Variants in MALRD1 observed in about 807,000 individuals in gnomAD.
The protein encoded by MALRD1 is MAM and LDL-receptor class A domain-containing protein 1.
MALRD1 carries 247 observed loss-of-function variants against 242.1 expected under a neutral mutation model. The observed-to-expected ratio is 1.02, with a 90% CI of 0.92 to 1.13. The LOEUF (loss-of-function observed/expected upper bound fraction) is 1.13. Ranked by LOEUF, MALRD1 falls within the 50% of genes most tolerant of loss-of-function variation. The probability of loss-of-function intolerance (pLI) is 0.00; values close to 1 mark genes in which losing one functional copy is unlikely to be tolerated. For missense variants in MALRD1, 2,989 were observed against 2,533.1 expected, an observed-to-expected ratio of 1.18 and a Z score of -3.86; for synonymous variants, 995 against 866.6, an observed-to-expected ratio of 1.15 and a Z score of -2.60.
At chr10:19,400,569 A>G (rs1251943985) in intron 28 of MALRD1, among the ~76,000 whole-genome samples, 1 of 152,224 alleles carries the variant, frequency 6.6e-6, no homozygotes, top group Non-Finnish European at 1.5e-5. Flanking sequence ...TGAATGAAAG[A>G]TTGAATGTAC....
At chr10:19,571,969 A>G (rs1366357039) in intron 33 of MALRD1, among the ~76,000 whole-genome samples, 1 of 152,192 alleles carries the variant, frequency 6.6e-6, no homozygotes, top group Non-Finnish European at 1.5e-5. Context: ...TCAACCTCGT[A>G]TTAGGTGTTT....
At position 19,110,436 on chromosome 10, in the gene MALRD1, A is replaced by G. The variant is rs150857366; in HGVS notation, c.694+6361A>G. Among the ~76,000 whole-genome samples, 6 of 152,308 alleles carry G rather than the reference A, an allele frequency of 3.9e-5. No homozygotes were observed. In the East Asian group the frequency reaches 1.2e-3, roughly 29 times the overall value. On this transcript the variant is annotated intron_variant, in intron 5 of 39. Coordinates refer to ENST00000454679, the MANE Select transcript of MALRD1 (RefSeq NM_001142308.3). ...CACTATATGCTACATTTAAAAGTAT[A>G]TCAATTGAAATAGAGAACTTTAAGG...
intron 14 of MALRD1, among the ~76,000 whole-genome samples, chr10:19,199,131 C>T (rs1389382510): frequency 6.6e-6 from 1 of 152,002 alleles, no homozygotes; most frequent in Non-Finnish European, 1.5e-5. Flanking sequence ...AACTTTTGTC[C>T]TCCTTCATGC....
chr10:19,295,321 C>T (rs1841644595), intron 21 of MALRD1, among the ~76,000 whole-genome samples: 1 of 152,066 alleles, frequency 6.6e-6, no homozygotes, highest in South Asian at 2.1e-4. Flanking sequence ...TTTCTATGTG[C>T]TTGCCAACAC....
Position 19,544,238 on chromosome 10 carries a change from G to A in MALRD1, c.5478+12887G>A, listed in dbSNP as rs149485760. 5.0e-3 allele frequency among the ~76,000 whole-genome samples: 755 copies of A among 151,908 alleles called. 8 individuals are homozygous for A. Among genetic ancestry groups the A allele is most frequent in the African/African-American group, 0.017 (711 of 41,360 alleles). On this transcript the variant is annotated intron_variant, in intron 32 of 39. Transcript: ENST00000454679. ...CAGTCTCGCTCTTGTCACCCAGGCC[G>A]AAATGCGATGGTGTGATCTTGGCAC...
At position 19,133,829 on chromosome 10, in the gene MALRD1, A is replaced by G. The variant is rs369746511; in HGVS notation, c.1111-27A>G. ...TGTGAAGATTAGAATACGGGTAATG[A>G]GTGATGTCTTTCTCTTCAAATCAAA... is the stretch of plus-strand genomic sequence containing the variant. On this transcript the variant is annotated intron_variant, in intron 8 of 39. Transcript: ENST00000454679. The G allele has an allele frequency of 1.6e-5, 17 of 1,045,886 alleles. No individual in the cohort carries two copies. In the East Asian group the frequency reaches 4.2e-4, roughly 26 times the overall value. 64.8% of individuals were successfully genotyped at this position (1,045,886 alleles called of 1,614,324 possible). A position where few individuals can be genotyped will look rare whatever the true frequency, so the allele number is the denominator to read the frequency against.
intron 32 of MALRD1, among the ~76,000 whole-genome samples, chr10:19,563,225 G>A (rs990371003): frequency 6.6e-6 from 1 of 152,082 alleles, no homozygotes; most frequent in African/African-American, 2.4e-5. Flanking sequence ...CAGAAAATAT[G>A]GGAATGAGCT....
chr10:19,512,907 T>C (rs1353036683), intron 31 of MALRD1, among the ~76,000 whole-genome samples: 1 of 152,170 alleles, frequency 6.6e-6, no homozygotes, highest in Non-Finnish European at 1.5e-5. Flanking sequence ...ATTTAAGGAC[T>C]CAGGAAGGAC....
At chr10:19,600,175 T>A (rs1335607629) in intron 34 of MALRD1, among the ~76,000 whole-genome samples, 9 of 152,256 alleles carry the variant, frequency 5.9e-5, no homozygotes, top group Admixed American at 2.6e-4. Context: ...ATCATCAATA[T>A]TTTTACTATT....
chr10:19,315,302 A>C (rs1268967037), intron 21 of MALRD1, among the ~76,000 whole-genome samples: 1 of 2 alleles, frequency 0.5, no homozygotes, highest in African/African-American at 0.5. Context: ...AAATATATAA[A>C]TATAATTTAT....
At chr10:19,354,751 G>A (rs191920940) in intron 26 of MALRD1, among the ~76,000 whole-genome samples, 20 of 152,128 alleles carry the variant, frequency 1.3e-4, no homozygotes, top group Non-Finnish European at 4.4e-5. Context: ...AATGAATTTG[G>A]AATGTTCCCA....
At chr10:19,118,279 C>G (rs1332653621) in intron 5 of MALRD1, among the ~76,000 whole-genome samples, 1 of 152,180 alleles carries the variant, frequency 6.6e-6, no homozygotes, top group East Asian at 1.9e-4. Flanking sequence ...CATGAGTGAT[C>G]GATGGCTCAT....
At chr10:19,734,102 T>C (rs1835399771) in intron 39 of MALRD1, 55 bp from the exon 40 acceptor site, 2 of 1,380,594 alleles carry the variant, frequency 1.4e-6, no homozygotes, top group Admixed American at 2.1e-5. Flanking sequence ...TTTAAAGAGT[T>C]TTCTTATCTT....
At chr10:19,221,691 G>C (rs1837560880) in intron 18 of MALRD1, among the ~76,000 whole-genome samples, 1 of 152,066 alleles carries the variant, frequency 6.6e-6, no homozygotes, top group Admixed American at 6.6e-5. Flanking sequence ...TTAAAGTCCT[G>C]TTAGACTTGT....
intron 28 of MALRD1, among the ~76,000 whole-genome samples, chr10:19,445,130 C>G (rs1341804202): frequency 6.6e-6 from 1 of 152,152 alleles, no homozygotes; most frequent in Non-Finnish European, 1.5e-5. Flanking sequence ...TATCACATAG[C>G]TCTCGTGCCA....
intron 26 of MALRD1, among the ~76,000 whole-genome samples, chr10:19,354,200 T>C (rs577811203): frequency 2.4e-3 from 363 of 152,280 alleles, no homozygotes; most frequent in Non-Finnish European, 3.7e-3. Flanking sequence ...TTTTAAAGTA[T>C]GTACAAAATA....
chr10:19,179,423 G>T (rs990274588), intron 14 of MALRD1, among the ~76,000 whole-genome samples: 5 of 152,170 alleles, frequency 3.3e-5, no homozygotes, highest in African/African-American at 1.2e-4. Context: ...GCTGAGGCAT[G>T]TTGATCACTT....
chr10:19,331,690 GGGGAAGGTAA>G, intron 24 of MALRD1, 108 bp downstream of exon 24: 1 of 835,552 alleles, frequency 1.2e-6, no homozygotes, highest in South Asian at 1.7e-5. Flanking sequence ...CTCAACACCA[GGGGAAGGTAA>G]GGTGATTTAA....
At chr10:19,472,616 T>G (rs1318120102) in intron 29 of MALRD1, among the ~76,000 whole-genome samples, 1 of 152,034 alleles carries the variant, frequency 6.6e-6, no homozygotes, top group African/African-American at 2.4e-5. Flanking sequence ...TCTTTCTTCA[T>G]GATTCAGTCT....
Sources: gnomAD v4.1 joint callset for allele counts (sites outside exome capture counted in the v4.1 genomes callset) on GRCh38, gnomAD v4.1.1 for gene constraint, MANE v1.5 for transcripts, NCBI Gene and HGNC (gene_info 2026-07-23, HGNC 2026-07-21) for gene names.